The following TRIM71 variants were observed in gnomAD, a reference collection of about 807,000 sequenced individuals.
TRIM71 encodes the protein tripartite motif containing 71.
In TRIM71, 9 loss-of-function variants were observed where a neutral mutation model predicts 61.2. That is an observed-to-expected ratio of 0.15 (90% CI 0.09 to 0.26). TRIM71 has a LOEUF of 0.26. Among genes scored for constraint, TRIM71 ranks in the 10% least tolerant of loss-of-function variants. The pLI is 1.00. For missense variants in TRIM71, 998 were observed against 1,238.7 expected (o/e 0.81, Z 2.92); for synonymous variants, 645 against 553.2 (o/e 1.17, Z -2.33).
chr3:32,856,151 GGGACTACAGGTGCCC>G (rs1213319819), intron 1 of TRIM71, among the ~76,000 whole-genome samples: 1 of 152,156 alleles, frequency 6.6e-6, no homozygotes, highest in Admixed American at 6.5e-5. Flanking sequence ...CGGAGTAGCT[GGGACTACAGGTGCCC>G]GCCACCACGC....
intron 1 of TRIM71, among the ~76,000 whole-genome samples, chr3:32,830,631 G>A (rs931261149): frequency 1.2e-4 from 19 of 152,194 alleles, no homozygotes; most frequent in South Asian, 6.2e-4. Context: ...GGCCTCTGTC[G>A]ATATCAGTGG....
intron 2 of TRIM71, among the ~76,000 whole-genome samples, chr3:32,877,513 A>G (rs1696863532): frequency 6.6e-6 from 1 of 151,370 alleles, no homozygotes; most frequent in African/African-American, 2.4e-5. Context: ...GCTCCACCAC[A>G]CCCAGCTAAT....
chr3:32,872,209 C>T (rs1186553554), intron 1 of TRIM71, among the ~76,000 whole-genome samples: 2 of 152,168 alleles, frequency 1.3e-5, no homozygotes, highest in East Asian at 3.9e-4. Flanking sequence ...AGAACTGTTA[C>T]TTAACAAAAG....
chr3:32,849,690 T>C (rs376243877), intron 1 of TRIM71, among the ~76,000 whole-genome samples: 2 of 151,622 alleles, frequency 1.3e-5, no homozygotes, highest in East Asian at 3.8e-4. Flanking sequence ...TTAATTAAAC[T>C]GTGGCTGTTT....
rs927188824 is a variant in TRIM71 at position 32,894,024 on chromosome 3, G to A, written c.*2213G>A. The A allele has an allele frequency of 1.3e-5, 2 of 152,126 alleles. No individual in the cohort carries two copies. Among genetic ancestry groups the A allele is most frequent in the Non-Finnish European group, 2.9e-5 (2 of 68,016 alleles). The allele number at this position is 152,126 out of a possible 1,614,324, so 9.4% of individuals were successfully genotyped here. A position where few individuals can be genotyped will look rare whatever the true frequency, so the allele number is the denominator to read the frequency against. ...TCCTTTTACTGTAGAATTTAATAGTGAATCCTTCCCCAATGCCTATTCAGT... is the reference window on the plus strand; with the variant it reads ...TCCTTTTACTGTAGAATTTAATAGTAAATCCTTCCCCAATGCCTATTCAGT... On this transcript the variant is annotated 3_prime_UTR_variant, in exon 4 of 4. Coordinates refer to ENST00000383763, the MANE Select transcript of TRIM71 (RefSeq NM_001039111.3).
At position 32,818,674 on chromosome 3, in the gene TRIM71, C is replaced by A; in HGVS notation, c.594C>A (p.Gly198=). The stretch of plus-strand genomic sequence containing the variant: ...CGCTGCTGCTCCGCCGTCCTCACGG[C>A]TGCAGCTCGTGCGATGAGGGCAACG... The part of the protein sequence containing the change: ...PSALLLRRPH[G]CSSCDEGNAA... Residue 198 remains glycine (G), a synonymous_variant, in exon 1 of 4, where the codon GGC becomes GGA. Coordinates refer to ENST00000383763, the MANE Select transcript of TRIM71 (RefSeq NM_001039111.3). 6.4e-7 allele frequency: 1 copy of A among 1,550,704 alleles called. No individual in the cohort carries two copies. The highest frequency in any genetic ancestry group is 8.6e-7 in the Non-Finnish European group (1 of 1,156,794).
intron 1 of TRIM71, among the ~76,000 whole-genome samples, chr3:32,836,180 C>T (rs1696331683): frequency 6.6e-6 from 1 of 152,064 alleles, no homozygotes; most frequent in Non-Finnish European, 1.5e-5. Context: ...TTAATAGATC[C>T]CAGCACTTTG....
In TRIM71 at chr3:32,877,699, A is replaced by G. The variant is rs78148723; in HGVS notation, c.1020+3714A>G. Among the ~76,000 whole-genome samples the G allele has an allele frequency of 0.015, 2,311 of 152,022 alleles. 170 individuals are homozygous for G. The East Asian group carries it at 0.24, about 16-fold the overall frequency. On this transcript the variant is annotated intron_variant, in intron 2 of 3. Transcript: ENST00000383763. ...TGTGACACAAGTCTTCATCCCTTCA[A>G]ATTTTCTCATGAGATGGCAACAATT...
In TRIM71 at chr3:32,889,570, T is replaced by TTAG. The variant is rs1365078761; in HGVS notation, c.1156-788_1156-787insGTA. On this transcript the variant is annotated intron_variant, in intron 3 of 3. Coordinates refer to ENST00000383763, the MANE Select transcript of TRIM71 (RefSeq NM_001039111.3). ...GTACGTTTTGTCCCAATTATTATTA[T>TTAG]TATTATTATTATTATTATTATTATT... Among the ~76,000 whole-genome samples the TTAG allele has an allele frequency of 2.7e-4, 40 of 146,898 alleles. No homozygotes were observed. The East Asian group carries it at 2.9e-3, about 11-fold the overall frequency.
At chr3:32,826,043 A>G (rs1696197249) in intron 1 of TRIM71, among the ~76,000 whole-genome samples, 2 of 152,320 alleles carry the variant, frequency 1.3e-5, no homozygotes, top group East Asian at 1.9e-4. Context: ...ACGATATTCC[A>G]AAGTAAATCT....
At position 32,890,323 on chromosome 3, in the gene TRIM71, C is replaced by T. The variant is rs1450446509; in HGVS notation, c.1156-37C>T. ...GGTATTTTCTGTGCTTGGCTCTAAGCCTCTGTGTCTTTCTCCACTCTTGCT... is the reference window on the plus strand; with the variant it reads ...GGTATTTTCTGTGCTTGGCTCTAAGTCTCTGTGTCTTTCTCCACTCTTGCT... On this transcript the variant is annotated intron_variant, in intron 3 of 3. Transcript: ENST00000383763. The surrounding 1 kb of genome is among the most constrained non-coding windows in gnomAD (Gnocchi z 6.2). The T allele has an allele frequency of 6.3e-7, 1 of 1,588,918 alleles. No individual in the cohort carries two copies. The highest frequency in any genetic ancestry group is 1.1e-5 in the South Asian group (1 of 87,376).
chr3:32,849,784 C>T (rs7618680), intron 1 of TRIM71, among the ~76,000 whole-genome samples: 2,070 of 152,268 alleles, frequency 0.014, 48 homozygotes, highest in African/African-American at 0.047. Context: ...GGATTCTTAA[C>T]TTTTTTGTCA....
chr3:32,887,571 T>A (rs1490833033), intron 3 of TRIM71, among the ~76,000 whole-genome samples: 1 of 151,936 alleles, frequency 6.6e-6, no homozygotes, highest in Non-Finnish European at 1.5e-5. Context: ...TTACAAGTTT[T>A]GTTTTCCTGC....
At position 32,818,786 on chromosome 3, in the gene TRIM71, C is replaced by CACT; in HGVS notation, c.709_711dup (p.Tyr237dup). The stretch of plus-strand genomic sequence containing the variant: ...CCAGCGCGTGCGCCTCACCAAGGAC[C>CACT]ACTACATCGAGCGCGGCCCGCCGGG... On this transcript the variant is annotated inframe_insertion, in exon 1 of 4. Coordinates refer to ENST00000383763, the MANE Select transcript of TRIM71 (RefSeq NM_001039111.3). 6.2e-7 allele frequency: 1 copy of CACT among 1,608,552 alleles called. No individual in the cohort carries two copies. Among genetic ancestry groups the CACT allele is most frequent in the Non-Finnish European group, 8.5e-7 (1 of 1,178,328 alleles).
chr3:32,842,134 T>A (rs144302631), intron 1 of TRIM71, among the ~76,000 whole-genome samples: 8 of 152,366 alleles, frequency 5.3e-5, no homozygotes, highest in Middle Eastern at 3.4e-3. Context: ...CTGGTCCTCA[T>A]ATGCTGAGGA....
rs773419731 is a variant in TRIM71 at position 32,818,425 on chromosome 3, G to C, written c.345G>C (p.Leu115=). The change falls in exon 1 of 4, where the codon CTG becomes CTC. Residue 115 remains leucine (L), a synonymous_variant. Coordinates refer to ENST00000383763, the MANE Select transcript of TRIM71 (RefSeq NM_001039111.3). ...ACGCGCTGCCTTCGTCCGCCTTCCTGCTTAGCAACCTGCTCGACGCGGTGG... is the reference window on the plus strand; with the variant it reads ...ACGCGCTGCCTTCGTCCGCCTTCCTCCTTAGCAACCTGCTCGACGCGGTGG... ...GMDALPSSAF[L]LSNLLDAVVA... 6.8e-7 allele frequency: 1 copy of C among 1,476,064 alleles called. No homozygotes were observed. The highest frequency in any genetic ancestry group is 8.9e-7 in the Non-Finnish European group (1 of 1,118,184). 91.4% of individuals were successfully genotyped at this position (1,476,064 alleles called of 1,614,324 possible).
chr3:32,828,502 CTTT>C (rs67014189), intron 1 of TRIM71, among the ~76,000 whole-genome samples: 15 of 93,262 alleles, frequency 1.6e-4, no homozygotes, highest in African/African-American at 5.1e-4. Flanking sequence ...CAATTGTAAA[CTTT>C]TTTTTTTTTT....
At position 32,841,413 on chromosome 3, in the gene TRIM71, C is replaced by T. The variant is rs116265543; in HGVS notation, c.852+22481C>T. ...GGTATCTTTACCTAGTGAGGTGGCTCACGCCTCTAATCCCAGCACTTTGGG... is the reference window on the plus strand; with the variant it reads ...GGTATCTTTACCTAGTGAGGTGGCTTACGCCTCTAATCCCAGCACTTTGGG... On this transcript the variant is annotated intron_variant, in intron 1 of 3. Coordinates refer to ENST00000383763, the MANE Select transcript of TRIM71 (RefSeq NM_001039111.3). 9.0e-4 allele frequency among the ~76,000 whole-genome samples: 137 copies of T among 152,126 alleles called. 1 individual carries two copies. Among genetic ancestry groups the T allele is most frequent in the African/African-American group, 3.2e-3 (132 of 41,498 alleles).
intron 1 of TRIM71, among the ~76,000 whole-genome samples, chr3:32,862,072 G>GGGGGAGGA (rs1310329583): frequency 6.6e-6 from 1 of 152,132 alleles, no homozygotes; most frequent in Non-Finnish European, 1.5e-5. Flanking sequence ...CTTGATTTTT[G>GGGGGAGGA]GGGGAGGAGG....
Sources: gnomAD v4.1 joint callset for allele counts (sites outside exome capture counted in the v4.1 genomes callset) on GRCh38, gnomAD v4.1.1 for gene constraint, Gnocchi (gnomAD v3.1) non-coding constraint, MANE v1.5 for transcripts, NCBI Gene and HGNC (gene_info 2026-07-23, HGNC 2026-07-21) for gene names.